TAF5L: variants seen among roughly 807,000 people sequenced by gnomAD.
The protein encoded by TAF5L is TAF5-like RNA polymerase II p300/CBP-associated factor-associated factor 65 kDa subunit 5L.
In TAF5L, 7 loss-of-function variants were observed where a neutral mutation model predicts 51.3. The ratio of observed to expected loss-of-function variants is 0.14; its 90% CI spans 0.08 to 0.26. The LOEUF is 0.26. TAF5L is among the 10% of genes least tolerant of loss of function. TAF5L has a pLI of 1.00. For missense variants in TAF5L, 575 were observed against 758.9 expected, an observed-to-expected ratio of 0.76 and a Z score of 2.85; for synonymous variants, 291 against 308.1, an observed-to-expected ratio of 0.94 and a Z score of 0.58.
chr1:229,623,755 T>C (rs1386308714), intron 1 of TAF5L, among the ~76,000 whole-genome samples: 1 of 152,184 alleles, frequency 6.6e-6, no homozygotes, highest in Non-Finnish European at 1.5e-5. Context: ...AACAAACCTA[T>C]GAGGTAGGTA....
intron 4 of TAF5L, chr1:229,601,866 A>C (rs1237130872): frequency 1.9e-6 from 2 of 1,075,358 alleles, no homozygotes; most frequent in Non-Finnish European, 2.3e-6. Flanking sequence ...AAATGTGCAC[A>C]CACATAAGTG....
chr1:229,610,300 G>T, intron 2 of TAF5L, 90 bp from the exon 3 acceptor site: 1 of 1,179,872 alleles, frequency 8.5e-7, no homozygotes, highest in Non-Finnish European at 1.2e-6. Context: ...GGAGGGTGTT[G>T]TGCACACACG....
chr1:229,601,769 C>T, intron 4 of TAF5L: 1 of 1,013,202 alleles, frequency 9.9e-7, no homozygotes, highest in Non-Finnish European at 1.2e-6. Context: ...ATGGCACAAC[C>T]TTCTGTGGGG....
chr1:229,612,254 A>T (rs1301264686), intron 2 of TAF5L, among the ~76,000 whole-genome samples: 1 of 152,256 alleles, frequency 6.6e-6, no homozygotes, highest in Non-Finnish European at 1.5e-5. Context: ...TTCCAGCAAT[A>T]ACACTTTCTC....
At chr1:229,613,329 CA>C (rs567436350) in intron 2 of TAF5L, among the ~76,000 whole-genome samples, 28,174 of 84,236 alleles carry the variant, frequency 0.33, 1,914 homozygotes, top group South Asian at 0.44. Context: ...GACTCTGTCT[CA>C]AAAAAAAAAA....
chr1:229,616,416 G>T (rs1571851374), intron 1 of TAF5L, among the ~76,000 whole-genome samples: 1 of 151,066 alleles, frequency 6.6e-6, no homozygotes, highest in Non-Finnish European at 1.5e-5. Context: ...ATGTTGTCCA[G>T]GGTGGTCTCA....
At chr1:229,605,302 T>C (rs1444975508) in intron 3 of TAF5L, among the ~76,000 whole-genome samples, 2 of 152,160 alleles carry the variant, frequency 1.3e-5, no homozygotes, top group East Asian at 1.9e-4. Context: ...TTGTTAACTT[T>C]ACCTCACCGT....
intron 1 of TAF5L, among the ~76,000 whole-genome samples, chr1:229,620,226 T>C (rs1343581770): frequency 2.0e-5 from 3 of 152,148 alleles, no homozygotes; most frequent in African/African-American, 7.2e-5. Context: ...ACAGCACAAA[T>C]TGCTTCTCGC....
chr1:229,598,201 T>C (rs1262987871), intron 4 of TAF5L, among the ~76,000 whole-genome samples: 2 of 151,860 alleles, frequency 1.3e-5, no homozygotes, highest in African/African-American at 2.4e-5. Context: ...CCAAAAGAGA[T>C]GTATGTAACA....
chr1:229,615,879 A>C (rs759561911), intron 1 of TAF5L, among the ~76,000 whole-genome samples: 1 of 152,224 alleles, frequency 6.6e-6, no homozygotes, highest in Non-Finnish European at 1.5e-5. Flanking sequence ...AACCAAAGTA[A>C]CATTCTCTAA....
At chr1:229,598,313 T>G (rs1481953498) in intron 4 of TAF5L, among the ~76,000 whole-genome samples, 3 of 152,260 alleles carry the variant, frequency 2.0e-5, no homozygotes, top group Non-Finnish European at 4.4e-5. Context: ...TTTAACCTTT[T>G]TAGATGTGGC....
intron 1 of TAF5L, among the ~76,000 whole-genome samples, chr1:229,623,221 C>G (rs1382825079): frequency 1.3e-5 from 2 of 152,212 alleles, no homozygotes; most frequent in African/African-American, 2.4e-5. Context: ...TTGCAGTGAG[C>G]CAAGATCACG....
At chr1:229,593,326 G>A (rs1410919325) in exon 5 of TAF5L, 5 of 152,146 alleles carry the variant, frequency 3.3e-5, no homozygotes, top group African/African-American at 7.2e-5. Context: ...TTCATTGCAG[G>A]AGAAAAAGAC....
chr1:229,616,004 C>A (rs761773174), intron 1 of TAF5L, among the ~76,000 whole-genome samples: 1 of 152,074 alleles, frequency 6.6e-6, no homozygotes, highest in East Asian at 1.9e-4. Flanking sequence ...GAGAGTTCTA[C>A]CATTCTTTCA....
chr1:229,623,836 G>A (rs1317968286), intron 1 of TAF5L, among the ~76,000 whole-genome samples: 2 of 152,220 alleles, frequency 1.3e-5, no homozygotes, highest in African/African-American at 4.8e-5. Flanking sequence ...CAGGACACCT[G>A]GCTGAAGGGT....
chr1:229,610,107 A>C lies in TAF5L; in HGVS notation c.246T>G (p.Thr82=), dbSNP rs1332813596. 27 of 1,613,798 alleles carry C rather than the reference A, an allele frequency of 1.7e-5. No individual in the cohort carries two copies. In the Admixed American group the frequency reaches 4.5e-4, roughly 27 times the overall value. The change falls in exon 3 of 5, where the codon ACT becomes ACG. Residue 82 remains threonine, a splice_region_variant and synonymous_variant. Transcript: ENST00000258281. ...AAGGTTCTAGAGCTGAGTACTTACC[A>C]GTGAGAAAATTCCGCAGTCGTCCAA...
At chr1:229,595,389 G>A (rs1171177799) in intron 4 of TAF5L, among the ~76,000 whole-genome samples, 2 of 152,214 alleles carry the variant, frequency 1.3e-5, no homozygotes, top group Non-Finnish European at 2.9e-5. Flanking sequence ...AGTAATGACT[G>A]TGGACCTTAC....
At chr1:229,601,141 T>G (rs1403295273) in intron 4 of TAF5L, 1 of 985,328 alleles carries the variant, frequency 1.0e-6, no homozygotes. Flanking sequence ...CCTTCAATTA[T>G]ACTGTCTCGG....
At position 229,594,884 on chromosome 1, in the gene TAF5L, A is replaced by G; in HGVS notation, c.1183T>C (p.Tyr395His). 6.2e-7 allele frequency: 1 copy of G among 1,614,212 alleles called. No homozygotes were observed. Among genetic ancestry groups the G allele is most frequent in the Non-Finnish European group, 8.5e-7 (1 of 1,180,032 alleles). ...GACCCGCTGGCGAAGTACAGGCTAT[A>G]TGGACTGATGTCCAGATCCCACACA... is the stretch of plus-strand genomic sequence containing the variant. The change falls in exon 5 of 5, where the codon TAT (tyrosine) becomes CAT (histidine). Residue 395 changes from tyrosine (Y) to histidine (H), a missense_variant. Physicochemically the swap from Tyr to His is moderately conservative, Grantham distance 83 (BLOSUM62 2). Coordinates refer to ENST00000258281, the Ensembl canonical transcript of TAF5L. The surrounding 1 kb of genome is among the most constrained non-coding windows in gnomAD (Gnocchi z 7.9).
Sources: gnomAD v4.1 joint callset for allele counts (sites outside exome capture counted in the v4.1 genomes callset) on GRCh38, gnomAD v4.1.1 for gene constraint, Gnocchi (gnomAD v3.1) non-coding constraint, MANE v1.5 for transcripts, NCBI Gene and HGNC (gene_info 2026-07-23, HGNC 2026-07-21) for gene names.